Variants in JAZF1 observed in about 807,000 individuals in gnomAD.
JAZF1 encodes the protein juxtaposed with another zinc finger protein 1.
A neutral mutation model predicts 26.4 loss-of-function variants in JAZF1; 8 were observed. The observed-to-expected ratio is 0.30, with a 90% confidence interval of 0.18 to 0.55. JAZF1 has a LOEUF of 0.55. Ranked by LOEUF, JAZF1 falls within the 20% of genes least tolerant of loss-of-function variation. The pLI is 0.94. For missense variants in JAZF1, 199 were observed against 322.0 expected, an observed-to-expected ratio of 0.62 and a Z score of 2.92; for synonymous variants, 126 against 122.3, an observed-to-expected ratio of 1.03 and a Z score of -0.20.
At chr7:28,100,371 A>G (rs574177306) in intron 1 of JAZF1, among the ~76,000 whole-genome samples, 21 of 152,098 alleles carry the variant, frequency 1.4e-4, no homozygotes, top group Non-Finnish European at 2.6e-4. Flanking sequence ...ATCCAAATCA[A>G]AAAAGTTTTA....
chr7:27,982,673 C>T (rs144029134), intron 2 of JAZF1, among the ~76,000 whole-genome samples: 2,139 of 152,248 alleles, frequency 0.014, 22 homozygotes, highest in Non-Finnish European at 0.022. Flanking sequence ...CCCTGACCCC[C>T]GAGTATCCTA....
At chr7:27,859,010 A>G (rs1783326420) in intron 3 of JAZF1, among the ~76,000 whole-genome samples, 1 of 152,248 alleles carries the variant, frequency 6.6e-6, no homozygotes, top group South Asian at 2.1e-4. Context: ...CAGAATCTGC[A>G]AAGAACTTAA....
chr7:28,102,306 A>G (rs947184921), intron 1 of JAZF1, among the ~76,000 whole-genome samples: 1 of 152,252 alleles, frequency 6.6e-6, no homozygotes, highest in African/African-American at 2.4e-5. Context: ...TAACAGCTAC[A>G]CCTCACAGGA....
intron 2 of JAZF1, among the ~76,000 whole-genome samples, chr7:27,983,421 C>T (rs554414077): frequency 5.5e-4 from 84 of 152,150 alleles, no homozygotes; most frequent in African/African-American, 2.0e-3. Flanking sequence ...AAGAAACAAA[C>T]CAAAGCCTCC....
chr7:27,921,798 G>A (rs1011954512), intron 2 of JAZF1, among the ~76,000 whole-genome samples: 1 of 152,188 alleles, frequency 6.6e-6, no homozygotes, highest in African/African-American at 2.4e-5. Flanking sequence ...TTGGGAGTCC[G>A]AGGTGGTAGG....
At chr7:27,987,346 C>T (rs1785745899) in intron 2 of JAZF1, among the ~76,000 whole-genome samples, 1 of 152,002 alleles carries the variant, frequency 6.6e-6, no homozygotes, top group African/African-American at 2.4e-5. Flanking sequence ...GCCCGACCGC[C>T]ACCCCATCTG....
At chr7:27,958,954 G>A (rs1426920746) in intron 2 of JAZF1, among the ~76,000 whole-genome samples, 1 of 152,212 alleles carries the variant, frequency 6.6e-6, no homozygotes, top group Non-Finnish European at 1.5e-5. Context: ...TACCAGTAAA[G>A]TGCAAGAGTA....
intron 1 of JAZF1, among the ~76,000 whole-genome samples, chr7:28,106,404 A>G (rs1784554153): frequency 3.9e-5 from 6 of 152,180 alleles, no homozygotes. Flanking sequence ...CAACGTCCCA[A>G]TTACCACATG....
At chr7:27,987,588 C>T (rs897655798) in intron 2 of JAZF1, among the ~76,000 whole-genome samples, 2 of 151,590 alleles carry the variant, frequency 1.3e-5, no homozygotes, top group African/African-American at 4.8e-5. Context: ...CCCCGCCCGG[C>T]CAGCCGCCCC....
chr7:28,046,998 A>G (rs975774310), intron 1 of JAZF1, among the ~76,000 whole-genome samples: 2 of 152,148 alleles, frequency 1.3e-5, no homozygotes, highest in African/African-American at 4.8e-5. Context: ...TTAAGACTTC[A>G]GGGCTTCTTG....
chr7:28,160,194 T>A (rs768274673), intron 1 of JAZF1, among the ~76,000 whole-genome samples: 12 of 151,618 alleles, frequency 7.9e-5, no homozygotes, highest in African/African-American at 1.2e-4. Flanking sequence ...AGGAAAAAAA[T>A]GTCAAAAAAG....
At chr7:28,018,752 G>C (rs1441397606) in intron 1 of JAZF1, among the ~76,000 whole-genome samples, 1 of 152,152 alleles carries the variant, frequency 6.6e-6, no homozygotes, top group Non-Finnish European at 1.5e-5. Context: ...ATTATAAAAA[G>C]GTTCTACTGT....
chr7:27,851,031 C>G (rs1404094531), intron 3 of JAZF1, among the ~76,000 whole-genome samples: 1 of 152,154 alleles, frequency 6.6e-6, no homozygotes, highest in Non-Finnish European at 1.5e-5. Context: ...CAACTTCCAC[C>G]TCCCGGGTTC....
chr7:27,961,055 C>A (rs1000813488), intron 2 of JAZF1, among the ~76,000 whole-genome samples: 3 of 152,220 alleles, frequency 2.0e-5, no homozygotes, highest in Non-Finnish European at 4.4e-5. Flanking sequence ...ACTGTTTGAA[C>A]TTCTATGAGA....
intron 2 of JAZF1, among the ~76,000 whole-genome samples, chr7:27,947,777 G>A (rs1177914461): frequency 6.6e-6 from 1 of 152,124 alleles, no homozygotes. Context: ...AGTGCTTGAT[G>A]AAAATTTATT....
intron 2 of JAZF1, among the ~76,000 whole-genome samples, chr7:27,990,334 A>C (rs73301367): frequency 0.18 from 27,669 of 152,094 alleles, 2,670 homozygotes; most frequent in South Asian, 0.25. Flanking sequence ...ACCTAATGTA[A>C]ATGACCAGTT....
intron 1 of JAZF1, among the ~76,000 whole-genome samples, chr7:28,179,968 C>G (rs1783613117): frequency 7.0e-6 from 1 of 142,302 alleles, no homozygotes; most frequent in East Asian, 2.2e-4. Flanking sequence ...CCTGACAGCT[C>G]GAGCCGGGGC....
At chr7:28,114,923 A>C (rs1228481635) in intron 1 of JAZF1, among the ~76,000 whole-genome samples, 1 of 152,176 alleles carries the variant, frequency 6.6e-6, no homozygotes. Context: ...CAGTGTGTTC[A>C]GAGACTCAAA....
intron 3 of JAZF1, among the ~76,000 whole-genome samples, chr7:27,857,107 C>T (rs1344801341): frequency 6.6e-6 from 1 of 152,166 alleles, no homozygotes; most frequent in Admixed American, 6.5e-5. Context: ...GAGCAGGGGG[C>T]GGCGCTCGTC....
Sources: gnomAD v4.1 joint callset for allele counts (sites outside exome capture counted in the v4.1 genomes callset) on GRCh38, gnomAD v4.1.1 for gene constraint, MANE v1.5 for transcripts, NCBI Gene and HGNC (gene_info 2026-07-23, HGNC 2026-07-21) for gene names.